DHRS2: variants seen among roughly 807,000 people sequenced by gnomAD.
DHRS2 encodes dehydrogenase/reductase 2, also known as dehydrogenase/reductase SDR family member 2, mitochondrial.
A neutral mutation model predicts 26.3 loss-of-function variants in DHRS2; 29 were observed. That is an observed-to-expected ratio of 1.10 (90% CI 0.82 to 1.50). The LOEUF (loss-of-function observed/expected upper bound fraction) is 1.50, where lower values mean the gene tolerates loss of function less well. DHRS2 is among the 40% of genes most tolerant of loss of function. The pLI, the probability that DHRS2 is intolerant of heterozygous loss-of-function variation, is 0.00. For missense variants in DHRS2, 439 were observed against 367.1 expected (o/e 1.20, Z -1.60); for synonymous variants, 164 against 151.3 (o/e 1.08, Z -0.62).
chr14:23,644,154 C>A lies in DHRS2; in HGVS notation c.532C>A (p.Pro178Thr). ...ILVSSIAAYN[P>T]VVALGVYNVS... ...GGTCTCTTCCATTGCAGCTTATAAT[C>A]CAGTAGTGGTAAGTGCTTGGTCCTT... Residue 178 changes from proline to threonine, a missense_variant, in exon 6 of 9, where the codon CCA (proline) becomes ACA (threonine). Coordinates refer to ENST00000250383, the MANE Select transcript of DHRS2 (RefSeq NM_005794.4). The A allele has an allele frequency of 2.5e-6, 4 of 1,614,102 alleles. No individual in the cohort carries two copies. Among genetic ancestry groups the A allele is most frequent in the Non-Finnish European group, 3.4e-6 (4 of 1,180,012 alleles).
rs1484627833 is a variant in DHRS2, at chr14:23,645,465, G to C, written c.*212G>C. 1.0e-6 allele frequency: 1 copy of C among 994,916 alleles called. No individual in the cohort carries two copies. The highest frequency in any genetic ancestry group is 1.4e-6 in the Non-Finnish European group (1 of 697,714). The allele number at this position is 994,916 out of a possible 1,614,324, so 61.6% of individuals were successfully genotyped here. On this transcript the variant is annotated 3_prime_UTR_variant, in exon 9 of 9. Transcript: ENST00000250383. Reference sequence around the variant, plus strand: ...TAGATTTGGCTGATCCAATTAACATGTGGGGTTCTTGGTGTGGGTCTGGGG... The same window carrying C: ...TAGATTTGGCTGATCCAATTAACATCTGGGGTTCTTGGTGTGGGTCTGGGG...
chr14:23,631,295 G>A (rs966514205), intron 1 of DHRS2, among the ~76,000 whole-genome samples: 1 of 151,936 alleles, frequency 6.6e-6, no homozygotes, highest in African/African-American at 2.4e-5. Context: ...TGTTAATGCT[G>A]GTCAGTCATG....
upstream of DHRS2, among the ~76,000 whole-genome samples, chr14:23,631,397 A>G (rs566063505): frequency 3.3e-5 from 5 of 152,222 alleles, no homozygotes; most frequent in South Asian, 1.0e-3. Context: ...TGACTTTGGA[A>G]TGCCCTTTGC....
At position 23,645,054 on chromosome 14, in the gene DHRS2, G is replaced by A. The variant is rs191758094; in HGVS notation, c.732-88G>A. 4.9e-4 allele frequency: 786 copies of A among 1,597,054 alleles called. 1 individual carries two copies. The highest frequency in any genetic ancestry group is 4.4e-4 in the Non-Finnish European group (517 of 1,166,886). On this transcript the variant is annotated intron_variant, in intron 8 of 8. Coordinates refer to ENST00000250383, the MANE Select transcript of DHRS2 (RefSeq NM_005794.4). ...CTGCTGCATCCACCTTGTTCCCCAT[G>A]GAGCCCACTCCCACCTGTCATCCGT...
intron 4 of DHRS2, chr14:23,641,512 G>T: frequency 3.9e-6 from 4 of 1,021,926 alleles, no homozygotes; most frequent in Non-Finnish European, 5.1e-6. Flanking sequence ...CTTTGGCTTG[G>T]TTTTTGTTCC....
intron 4 of DHRS2, chr14:23,642,057 C>T: frequency 9.2e-7 from 1 of 1,089,876 alleles, no homozygotes; most frequent in Non-Finnish European, 1.1e-6. Flanking sequence ...ACAGAGCTTC[C>T]AGAGTGTCAG....
chr14:23,631,600 G>A (rs1370686856), upstream of DHRS2, among the ~76,000 whole-genome samples: 1 of 150,040 alleles, frequency 6.7e-6, no homozygotes, highest in Non-Finnish European at 1.5e-5. Flanking sequence ...GACCAGTGCT[G>A]AAGGCCATTC....
At chr14:23,644,246 G>A (rs963544532) in intron 6 of DHRS2, 84 bp downstream of exon 6, 2 of 1,571,912 alleles carry the variant, frequency 1.3e-6, no homozygotes, top group Non-Finnish European at 1.8e-6. Context: ...CAGACAAAGT[G>A]CCTGGGACAG....
rs1289019781 is a variant in DHRS2, at chr14:23,639,902, G to A, written c.420+7G>A. 6.3e-6 allele frequency: 10 copies of A among 1,586,336 alleles called. No individual in the cohort carries two copies. The highest frequency in any genetic ancestry group is 2.7e-5 in the African/African-American group (2 of 73,288). ...TGAGCAGATCTGGGACAAGGTGAGA[G>A]GCCTCCCCTGGGGAGGCGGCTGAGG... is the stretch of plus-strand genomic sequence containing the variant. On this transcript the variant is annotated splice_region_variant and intron_variant, in intron 4 of 8. Transcript: ENST00000250383.
At chr14:23,642,233 C>T in intron 4 of DHRS2, 7 of 892,398 alleles carry the variant, frequency 7.8e-6, no homozygotes, top group Non-Finnish European at 8.1e-6. Flanking sequence ...GCCCTTACAG[C>T]CTGCATTTTT....
Position 23,645,336 on chromosome 14 carries a change from CAG to C in DHRS2, c.*86_*87del, listed in dbSNP as rs774875465. On this transcript the variant is annotated 3_prime_UTR_variant, in exon 9 of 9. Transcript: ENST00000250383. ...CTAGGTGATCATTTGGATCTGGAGG[CAG>C]AGTCTGCCATTCTGCCAGACTAGCA... is the stretch of plus-strand genomic sequence containing the variant. 6.9e-6 allele frequency: 11 copies of C among 1,603,676 alleles called. No individual in the cohort carries two copies. In the South Asian group the frequency reaches 1.1e-4, roughly 16 times the overall value.
chr14:23,630,718 C>T (rs1890096836), intron 1 of DHRS2, among the ~76,000 whole-genome samples: 1 of 152,198 alleles, frequency 6.6e-6, no homozygotes, highest in Non-Finnish European at 1.5e-5. Flanking sequence ...CTTAGGAGAA[C>T]AGAAGCTACA....
rs144980250 is a variant in DHRS2 at position 23,645,250 on chromosome 14, C to G, written c.840C>G (p.Leu280=). The change falls in exon 9 of 9, where the codon CTC becomes CTG. Residue 280 remains leucine (L), a synonymous_variant. Transcript: ENST00000250383. ...NIAVAGYSTR[L] ...CGGTGGCAGGCTACTCCACTCGGCT[C>G]TGAGAGGAGTGGGGGCGGCTGCGTA... 1.2e-5 allele frequency: 19 copies of G among 1,614,036 alleles called. No homozygotes were observed. The highest frequency in any genetic ancestry group is 1.6e-5 in the Non-Finnish European group (19 of 1,180,046).
At chr14:23,643,758 C>T (rs931835874) in intron 5 of DHRS2, 11 of 359,706 alleles carry the variant, frequency 3.1e-5, no homozygotes, top group African/African-American at 8.3e-5. Context: ...TCCCTTACCC[C>T]ATCTGCTCCT....
At chr14:23,632,244 A>C (rs1006981871), upstream of DHRS2, among the ~76,000 whole-genome samples, 2 of 152,208 alleles carry the variant, frequency 1.3e-5, no homozygotes, top group African/African-American at 4.8e-5. Context: ...GAAGGAGAGG[A>C]GTTCCCCAGG....
rs1890766770 is a variant in DHRS2, at chr14:23,643,919, G to GAATCCTAGC, written c.489-191_489-183dup. On this transcript the variant is annotated intron_variant, in intron 5 of 8. Coordinates refer to ENST00000250383, the MANE Select transcript of DHRS2 (RefSeq NM_005794.4). Reference sequence around the variant, plus strand: ...ATCGTATTTATGAGAAATAGGCATGGAATCCTAGCTCTGCCGTGTATTGGC... The same window carrying GAATCCTAGC: ...ATCGTATTTATGAGAAATAGGCATGGAATCCTAGCAATCCTAGCTCTGCCGTGTATTGGC... 3 of 614,490 alleles carry GAATCCTAGC rather than the reference G, an allele frequency of 4.9e-6. No homozygotes were observed. In the South Asian group the frequency reaches 5.9e-5, roughly 12 times the overall value. 38.1% of individuals were successfully genotyped at this position (614,490 alleles called of 1,614,324 possible). A position where few individuals can be genotyped will look rare whatever the true frequency, so the allele number is the denominator to read the frequency against.
chr14:23,643,232 G>T lies in DHRS2; in HGVS notation c.488+13G>T. 6.2e-7 allele frequency: 1 copy of T among 1,613,242 alleles called. No individual in the cohort carries two copies. The highest frequency in any genetic ancestry group is 8.5e-7 in the Non-Finnish European group (1 of 1,179,708). On this transcript the variant is annotated intron_variant, in intron 5 of 8. Coordinates refer to ENST00000250383, the MANE Select transcript of DHRS2 (RefSeq NM_005794.4). Reference sequence around the variant, plus strand: ...ACATGGAGAACAGGTATGGCAGGGCGGGGGTGGGGACCAGTCGGAGTTGGG... The same window carrying T: ...ACATGGAGAACAGGTATGGCAGGGCTGGGGTGGGGACCAGTCGGAGTTGGG...
chr14:23,641,933 G>A (rs1890689138), intron 4 of DHRS2: 1 of 1,164,962 alleles, frequency 8.6e-7, no homozygotes, highest in Admixed American at 4.1e-5. Flanking sequence ...CTGCAGGAGG[G>A]ACTCCTGGTG....
chr14:23,634,387 T>C (rs1339335536), upstream of DHRS2, among the ~76,000 whole-genome samples: 2 of 152,094 alleles, frequency 1.3e-5, no homozygotes, highest in African/African-American at 4.8e-5. Flanking sequence ...TTCTTAATCA[T>C]AACTGCCTCC....
Sources: gnomAD v4.1 joint callset for allele counts (sites outside exome capture counted in the v4.1 genomes callset) on GRCh38, gnomAD v4.1.1 for gene constraint, MANE v1.5 for transcripts, NCBI Gene and HGNC (gene_info 2026-07-23, HGNC 2026-07-21) for gene names.